Variants in CARD8 observed in about 807,000 individuals in gnomAD.
The protein encoded by CARD8 is caspase recruitment domain family member 8.
A neutral mutation model predicts 53.2 loss-of-function variants in CARD8; 38 were observed. That is an observed-to-expected ratio of 0.71 (90% CI 0.55 to 0.94). CARD8 has a LOEUF of 0.94. Ranked by LOEUF, CARD8 falls within the 40% of genes least tolerant of loss-of-function variation. CARD8 has a pLI of 0.00. For synonymous variants in CARD8, 245 were observed against 244.9 expected (o/e 1.00, Z 0.00); for missense variants, 561 against 655.5 (o/e 0.86, Z 1.57).
At chr19:48,243,615 T>C (rs1205709925) in intron 3 of CARD8, among the ~76,000 whole-genome samples, 2 of 152,228 alleles carry the variant, frequency 1.3e-5, no homozygotes, top group African/African-American at 4.8e-5. Context: ...AGTATCGTTA[T>C]TCCAGAGTTA....
At position 48,231,723 on chromosome 19, in the gene CARD8, T is replaced by C. The variant is rs2042929616; in HGVS notation, c.479A>G (p.Gln160Arg). Residue 160 changes from glutamine to arginine, a missense_variant, in exon 8 of 14, where the codon CAG (glutamine) becomes CGG (arginine). Coordinates refer to ENST00000651546, the MANE Select transcript of CARD8 (RefSeq NM_001184900.3). ...CACATTTCCTTCAGGCCCCAGAAACTGACGATTTTTATAATCTTCTTCGAT... is the reference window on the plus strand; with the variant it reads ...CACATTTCCTTCAGGCCCCAGAAACCGACGATTTTTATAATCTTCTTCGAT... ...FEIEEDYKNR[Q>R]FLGPEGNVDV... is the part of the protein sequence containing the mutation. 6.2e-7 allele frequency: 1 copy of C among 1,613,582 alleles called. No homozygotes were observed. The highest frequency in any genetic ancestry group is 1.3e-5 in the African/African-American group (1 of 74,850).
At chr19:48,254,168 G>A (rs1422025921) in intron 1 of CARD8, among the ~76,000 whole-genome samples, 3 of 152,200 alleles carry the variant, frequency 2.0e-5, no homozygotes, top group African/African-American at 7.2e-5. Flanking sequence ...TACTTGGGAG[G>A]CTGAGGTAGG....
rs764409113 is a variant in CARD8, at chr19:48,211,831, T to C, written c.1493A>G (p.Lys498Arg). The stretch of plus-strand genomic sequence containing the variant: ...CACCATGCTCAGCAAGGCCTCATTC[T>C]TGCTCTGCCGTGTCTTTTCCTGCTC... ...LVEQEKTRQS[K>R]NEALLSMVEK... Residue 498 changes from lysine (K) to arginine (R), a missense_variant, in exon 14 of 14, where the codon AAG becomes AGG. Transcript: ENST00000651546. 26 of 1,614,206 alleles carry C rather than the reference T, an allele frequency of 1.6e-5. No homozygotes were observed. The highest frequency in any genetic ancestry group is 2.2e-5 in the Non-Finnish European group (26 of 1,180,046).
In CARD8 at chr19:48,214,769, C is replaced by CTTTTTTT. The variant is rs531199248; in HGVS notation, c.1348+564_1348+570dup. ...CCTTCCTTTCATTCCTGCTATAAAG[C>CTTTTTTT]TTTTTTTTTTTTTTTTTTTTTTTTT... On this transcript the variant is annotated intron_variant, in intron 13 of 13. Transcript: ENST00000651546. Among the ~76,000 whole-genome samples the CTTTTTTT allele has an allele frequency of 9.6e-4, 86 of 89,546 alleles. 4 individuals are homozygous for CTTTTTTT. Among genetic ancestry groups the CTTTTTTT allele is most frequent in the African/African-American group, 1.7e-3 (34 of 20,568 alleles). The allele number at this position is 89,546 out of a possible 152,430, so 58.7% of individuals were successfully genotyped here.
rs553600324 is a variant in CARD8, at chr19:48,229,088, G to T, written c.1035+1350C>A. Among the ~76,000 whole-genome samples, 38 of 152,164 alleles carry T rather than the reference G, an allele frequency of 2.5e-4. No individual in the cohort carries two copies. In the South Asian group the frequency reaches 6.4e-3, roughly 26 times the overall value. On this transcript the variant is annotated intron_variant, in intron 10 of 13. Transcript: ENST00000651546. ...CGGGAGGCGGAGGTTTCAGTGAGCC[G>T]CAATTGCCACTGCATTCTAGCCTGG...
chr19:48,225,534 C>A (rs189710793), intron 10 of CARD8, among the ~76,000 whole-genome samples: 24 of 152,034 alleles, frequency 1.6e-4, no homozygotes, highest in African/African-American at 5.8e-4. Flanking sequence ...ACTAGAGGGC[C>A]TACTAAAGGC....
At chr19:48,248,849 T>C (rs2046533827) in intron 3 of CARD8, among the ~76,000 whole-genome samples, 1 of 152,232 alleles carries the variant, frequency 6.6e-6, no homozygotes, top group African/African-American at 2.4e-5. Flanking sequence ...ATTAATACTG[T>C]AGCGCAGTTA....
chr19:48,221,746 AG>A lies in CARD8; in HGVS notation c.1144del (p.Leu382Ter). 8 of 1,595,244 alleles carry A rather than the reference AG, an allele frequency of 5.0e-6. No homozygotes were observed. Among genetic ancestry groups the A allele is most frequent in the Non-Finnish European group, 6.9e-6 (8 of 1,167,222 alleles). On this transcript the variant is annotated frameshift_variant, in exon 11 of 14. Transcript: ENST00000651546. LOFTEE classifies it high-confidence loss of function. ...SSYIVSNSAN[L>X]KVMPKELKLS... ...TCTACTAACCTTGGGCATTACTTTCAGGTTAGCAGAATTAGACACAATATAA... is the reference window on the plus strand; with the variant it reads ...TCTACTAACCTTGGGCATTACTTTCAGTTAGCAGAATTAGACACAATATAA...
intron 5 of CARD8, among the ~76,000 whole-genome samples, chr19:48,236,658 C>T (rs1161841208): frequency 1.3e-5 from 2 of 152,208 alleles, no homozygotes; most frequent in Admixed American, 6.5e-5. Flanking sequence ...ATTAGCAGTG[C>T]TTTTCAGCCT....
Position 48,234,549 on chromosome 19 carries a change from AAAC to A in CARD8, c.210-9_210-7del, listed in dbSNP as rs760253318. ...AGGGTAGCTCCCTGTATACCCTGGAAAACAACAACAGAATTTTTACTATGAATA... is the reference window on the plus strand; with the variant it reads ...AGGGTAGCTCCCTGTATACCCTGGAAAACAACAGAATTTTTACTATGAATA... On this transcript the variant is annotated splice_region_variant and splice_polypyrimidine_tract_variant and intron_variant, in intron 5 of 13. Transcript: ENST00000651546. The A allele has an allele frequency of 6.2e-7, 1 of 1,610,744 alleles. No individual in the cohort carries two copies. The highest frequency in any genetic ancestry group is 1.7e-5 in the Admixed American group (1 of 58,836).
chr19:48,229,632 T>C (rs184705320), intron 10 of CARD8, among the ~76,000 whole-genome samples: 1 of 152,286 alleles, frequency 6.6e-6, no homozygotes, highest in Non-Finnish European at 1.5e-5. Flanking sequence ...AGGACAGAAG[T>C]GGGACTTTAT....
At chr19:48,228,860 C>T (rs971071472) in intron 10 of CARD8, among the ~76,000 whole-genome samples, 25 of 152,102 alleles carry the variant, frequency 1.6e-4, no homozygotes, top group African/African-American at 5.6e-4. Context: ...GGGAGGCGGC[C>T]GGGCGCGGTG....
downstream of CARD8, chr19:48,203,978 G>A (rs938955454): frequency 8.8e-6 from 3 of 341,776 alleles, no homozygotes; most frequent in Admixed American, 3.9e-5. Flanking sequence ...CTGCGCAGTA[G>A]AACCCGCGGG....
At position 48,211,450 on chromosome 19, in the gene CARD8, A is replaced by G. The variant is rs879789524; in HGVS notation, c.*260T>C. 2 of 401,702 alleles carry G rather than the reference A, an allele frequency of 5.0e-6. No homozygotes were observed. Among genetic ancestry groups the G allele is most frequent in the Admixed American group, 8.3e-5 (2 of 24,226 alleles). The allele number at this position is 401,702 out of a possible 1,614,324, so 24.9% of individuals were successfully genotyped here. A position where few individuals can be genotyped will look rare whatever the true frequency, so the allele number is the denominator to read the frequency against. ...GTCTTCAAGAATCATGTCAATGGAT[A>G]AAATAGTGATATATCAAGCAATGGT... On this transcript the variant is annotated 3_prime_UTR_variant, in exon 14 of 14. Coordinates refer to ENST00000651546, the MANE Select transcript of CARD8 (RefSeq NM_001184900.3).
chr19:48,206,599 G>A (rs2037354088), downstream of CARD8: 1 of 452,876 alleles, frequency 2.2e-6, no homozygotes, highest in Non-Finnish European at 4.5e-6. Context: ...GTAACCAACT[G>A]GAGGCCTCTA....
chr19:48,212,281 A>C (rs765813035), intron 13 of CARD8, among the ~76,000 whole-genome samples: 27 of 152,200 alleles, frequency 1.8e-4, no homozygotes, highest in Non-Finnish European at 3.1e-4. Context: ...CTTGCTGTAC[A>C]TACATTTATA....
chr19:48,203,591 C>G (rs1056197438), downstream of CARD8: 2 of 153,302 alleles, frequency 1.3e-5, no homozygotes, highest in Non-Finnish European at 2.9e-5. Context: ...TAACATACTG[C>G]TTTTTCCAGT....
At chr19:48,231,133 T>A in intron 8 of CARD8, 127 bp from the exon 9 acceptor site, 1 of 711,090 alleles carries the variant, frequency 1.4e-6, no homozygotes, top group Non-Finnish European at 2.4e-6. Flanking sequence ...TTTCACTACA[T>A]TAGAAAACGC....
intron 10 of CARD8, among the ~76,000 whole-genome samples, chr19:48,225,717 G>A (rs2041632014): frequency 6.6e-6 from 1 of 151,950 alleles, no homozygotes; most frequent in Non-Finnish European, 1.5e-5. Flanking sequence ...TGAGAAGAGA[G>A]TGATAGGAGA....
Sources: gnomAD v4.1 joint callset for allele counts (sites outside exome capture counted in the v4.1 genomes callset) on GRCh38, gnomAD v4.1.1 for gene constraint, MANE v1.5 for transcripts, NCBI Gene and HGNC (gene_info 2026-07-23, HGNC 2026-07-21) for gene names.